Variants in GDPD5 observed in about 807,000 individuals in gnomAD.
GDPD5 encodes the protein glycerophosphodiester phosphodiesterase domain containing 5.
A neutral mutation model predicts 75.1 loss-of-function variants in GDPD5; 48 were observed. The observed-to-expected ratio is 0.64, with a 90% confidence interval of 0.51 to 0.81. The LOEUF (loss-of-function observed/expected upper bound fraction) is 0.81, where lower values mean the gene tolerates loss of function less well. Among genes scored for constraint, GDPD5 ranks in the 40% least tolerant of loss-of-function variants. The pLI is 0.00. For missense variants in GDPD5, 706 were observed against 822.6 expected (o/e 0.86, Z 1.73); for synonymous variants, 336 against 339.0 (o/e 0.99, Z 0.10).
chr11:75,474,714 C>T (rs1949744132), intron 3 of GDPD5, among the ~76,000 whole-genome samples: 1 of 152,162 alleles, frequency 6.6e-6, no homozygotes, highest in African/African-American at 2.4e-5. Flanking sequence ...TTCCCAGGCT[C>T]TCTCCACGCA....
At position 75,446,985 on chromosome 11, in the gene GDPD5, G is replaced by T. The variant is rs1177084798; in HGVS notation, c.714+1992C>A. Among the ~76,000 whole-genome samples the T allele has an allele frequency of 2.0e-5, 3 of 151,990 alleles. No individual in the cohort carries two copies. In the East Asian group the frequency reaches 5.8e-4, roughly 29 times the overall value. ...TGCAACCTCCGCCTCCCGGATTCAA[G>T]CAATTCTCCTGTCTCAGCCTCCCAA... On this transcript the variant is annotated intron_variant, in intron 9 of 16. Coordinates refer to ENST00000336898, the MANE Select transcript of GDPD5 (RefSeq NM_030792.8).
At chr11:75,448,041 G>T (rs920262381) in intron 9 of GDPD5, among the ~76,000 whole-genome samples, 2 of 152,066 alleles carry the variant, frequency 1.3e-5, no homozygotes, top group African/African-American at 2.4e-5. Context: ...GTGGCAGCCC[G>T]GCAGACCCAG....
chr11:75,443,401 G>A, intron 10 of GDPD5, 115 bp from the exon 11 acceptor site: 1 of 1,259,854 alleles, frequency 7.9e-7, no homozygotes, highest in Non-Finnish European at 1.1e-6. Context: ...GGCTGGCTCT[G>A]CCCCTCTCTG....
intron 1 of GDPD5, among the ~76,000 whole-genome samples, chr11:75,497,428 C>T (rs772748033): frequency 6.6e-6 from 1 of 152,166 alleles, no homozygotes; most frequent in Admixed American, 6.5e-5. Context: ...AGTGAACAAA[C>T]TTGTTTTCCT....
At chr11:75,446,539 T>A (rs79847609) in intron 9 of GDPD5, among the ~76,000 whole-genome samples, 2,882 of 152,246 alleles carry the variant, frequency 0.019, 85 homozygotes, top group African/African-American at 0.065. Flanking sequence ...CAAAGTACTA[T>A]TAAAAAAGAG....
intron 2 of GDPD5, chr11:75,485,691 T>C (rs1485482920): frequency 6.6e-6 from 1 of 152,236 alleles, no homozygotes; most frequent in African/African-American, 2.4e-5. Flanking sequence ...GGCGGGCCTG[T>C]TCACGTTTCT....
intron 4 of GDPD5, among the ~76,000 whole-genome samples, chr11:75,461,010 G>T (rs916240921): frequency 6.6e-6 from 1 of 152,098 alleles, no homozygotes; most frequent in Admixed American, 6.5e-5. Context: ...CCCGGTCCCA[G>T]ATCTGTCTGC....
intron 14 of GDPD5, 66 bp downstream of exon 14, chr11:75,441,097 G>A (rs1948784476): frequency 6.6e-7 from 1 of 1,517,310 alleles, no homozygotes; most frequent in African/African-American, 1.4e-5. Flanking sequence ...AGCTTGCCGA[G>A]TGGTCAGGGC....
chr11:75,490,938 G>A (rs1950096984), intron 1 of GDPD5, among the ~76,000 whole-genome samples: 1 of 152,180 alleles, frequency 6.6e-6, no homozygotes, highest in Non-Finnish European at 1.5e-5. Context: ...GGAGAGGTGA[G>A]GAGGAGACTG....
intron 3 of GDPD5, among the ~76,000 whole-genome samples, chr11:75,472,255 G>A (rs1027184878): frequency 6.6e-6 from 1 of 152,108 alleles, no homozygotes; most frequent in African/African-American, 2.4e-5. Context: ...TCAAGTTCAG[G>A]CTGCAGCTCC....
At chr11:75,467,644 AG>A (rs1039708020) in intron 3 of GDPD5, among the ~76,000 whole-genome samples, 1 of 152,022 alleles carries the variant, frequency 6.6e-6, no homozygotes, top group Non-Finnish European at 1.5e-5. Context: ...GGGACCAGAC[AG>A]GGCGAGCAGC....
chr11:75,512,851 G>A (rs1950555789), intron 1 of GDPD5, among the ~76,000 whole-genome samples: 1 of 152,168 alleles, frequency 6.6e-6, no homozygotes, highest in African/African-American at 2.4e-5. Flanking sequence ...GGAGGCAGAG[G>A]TTGCAGCCTG....
intron 1 of GDPD5, among the ~76,000 whole-genome samples, chr11:75,497,554 C>T (rs78735726): frequency 6.4e-4 from 97 of 151,988 alleles, no homozygotes; most frequent in African/African-American, 2.2e-3. Context: ...CACCCTCTCT[C>T]GGCGCCTGCA....
intron 3 of GDPD5, among the ~76,000 whole-genome samples, chr11:75,474,181 T>C (rs1365877381): frequency 6.6e-6 from 1 of 152,222 alleles, no homozygotes; most frequent in Non-Finnish European, 1.5e-5. Context: ...ATTAAGATTA[T>C]AGCAGCCTTC....
At chr11:75,510,179 C>A (rs1950486065) in intron 1 of GDPD5, among the ~76,000 whole-genome samples, 1 of 152,230 alleles carries the variant, frequency 6.6e-6, no homozygotes, top group South Asian at 2.1e-4. Flanking sequence ...GGCACCATGG[C>A]CCCAGCCCTG....
At chr11:75,501,570 G>A (rs1462006693) in intron 1 of GDPD5, among the ~76,000 whole-genome samples, 1 of 152,186 alleles carries the variant, frequency 6.6e-6, no homozygotes, top group Non-Finnish European at 1.5e-5. Flanking sequence ...CTGGGCCAGG[G>A]CTCCAGGCTG....
intron 12 of GDPD5, 38 bp downstream of exon 12, chr11:75,442,325 A>G (rs1241879056): frequency 6.7e-7 from 1 of 1,481,552 alleles, no homozygotes; most frequent in South Asian, 1.3e-5. Flanking sequence ...TAGCCAGGCC[A>G]GGGCTCCCGG....
intron 1 of GDPD5, among the ~76,000 whole-genome samples, chr11:75,493,769 T>A (rs1045206079): frequency 2.6e-5 from 4 of 152,200 alleles, no homozygotes; most frequent in South Asian, 2.1e-4. Context: ...AGCACCAGTT[T>A]CTTGCATAAG....
rs34643232 is a variant in GDPD5, at chr11:75,441,543, C to CGTGT, written c.1325+99_1325+102dup. The CGTGT allele has an allele frequency of 5.1e-3, 4,811 of 952,534 alleles. 14 individuals carry two copies. The East Asian group carries it at 0.051, about 10-fold the overall frequency. 59.0% of individuals were successfully genotyped at this position (952,534 alleles called of 1,614,324 possible). A position where few individuals can be genotyped will look rare whatever the true frequency, so the allele number is the denominator to read the frequency against. The stretch of plus-strand genomic sequence containing the variant: ...CTGTGTGCCCATCCCTCTGCCCGAC[C>CGTGT]GTGTGTGTGTGTGTGTGTGTGTGTG... On this transcript the variant is annotated intron_variant, in intron 13 of 16. Transcript: ENST00000336898.
Sources: allele counts gnomAD v4.1 joint callset (sites outside exome capture counted in the v4.1 genomes callset), GRCh38; gene constraint gnomAD v4.1.1; transcripts MANE v1.5; gene names NCBI Gene and HGNC (gene_info 2026-07-23, HGNC 2026-07-21).